MCCC1: variants seen among roughly 807,000 people sequenced by gnomAD.
The protein encoded by MCCC1 is methylcrotonyl-CoA carboxylase subunit 1, also known as methylcrotonoyl-CoA carboxylase subunit alpha, mitochondrial.
MCCC1 carries 64 observed loss-of-function variants against 83.8 expected under a neutral mutation model. The ratio of observed to expected loss-of-function variants is 0.76; its 90% confidence interval spans 0.62 to 0.94. The LOEUF is 0.94. Among genes scored for constraint, MCCC1 ranks in the 40% least tolerant of loss-of-function variants. The pLI is 0.00. For synonymous variants in MCCC1, 322 were observed against 315.4 expected (o/e 1.02, Z -0.22); for missense variants, 807 against 904.7 (o/e 0.89, Z 1.39).
chr3:183,097,246 C>CAA (rs578052100), intron 1 of MCCC1, among the ~76,000 whole-genome samples: 4 of 135,346 alleles, frequency 3.0e-5, no homozygotes, highest in Non-Finnish European at 4.8e-5. Flanking sequence ...GACTCCGTCT[C>CAA]AAAAAAAAAA....
intron 1 of MCCC1, among the ~76,000 whole-genome samples, chr3:183,114,519 G>T (rs75911124): frequency 2.0e-5 from 3 of 152,146 alleles, no homozygotes; most frequent in Non-Finnish European, 2.9e-5. Flanking sequence ...GTCCACTGCA[G>T]AACTGATGGC....
intron 14 of MCCC1, among the ~76,000 whole-genome samples, chr3:183,030,284 G>A (rs1712946752): frequency 6.6e-6 from 1 of 152,096 alleles, no homozygotes; most frequent in African/African-American, 2.4e-5. Flanking sequence ...CTCCTGCCTG[G>A]GCAACAGAAT....
chr3:183,103,116 G>GT (rs1053005609), upstream of MCCC1, among the ~76,000 whole-genome samples: 4 of 152,014 alleles, frequency 2.6e-5, no homozygotes, highest in African/African-American at 4.8e-5. Flanking sequence ...TGTGTTCGGA[G>GT]TTTTTTCCTT....
chr3:183,074,407 G>A (rs1995426), intron 4 of MCCC1, among the ~76,000 whole-genome samples: 136,383 of 152,204 alleles, frequency 0.9, 61,486 homozygotes, highest in East Asian at 1. Flanking sequence ...TTTAATGAGT[G>A]ATGAAGCCAC....
At chr3:183,057,111 T>C (rs1715478590) in intron 8 of MCCC1, among the ~76,000 whole-genome samples, 200 bp downstream of exon 8, 1 of 152,224 alleles carries the variant, frequency 6.6e-6, no homozygotes. Context: ...CATGACCCTG[T>C]TGTGTCTACC....
At position 183,043,826 on chromosome 3, in the gene MCCC1, T is replaced by C. The variant is rs149957300; in HGVS notation, c.1083+1587A>G. Among the ~76,000 whole-genome samples, 7 of 152,302 alleles carry C rather than the reference T, an allele frequency of 4.6e-5. No homozygotes were observed. In the East Asian group the frequency reaches 1.3e-3, roughly 29 times the overall value. ...CTTCCTTAATCCTTAGAAACCTTTT[T>C]TTCTCTTATGATTTCCAAGGTCGAA... On this transcript the variant is annotated intron_variant, in intron 10 of 18. Coordinates refer to ENST00000265594, the MANE Select transcript of MCCC1 (RefSeq NM_020166.5).
intron 3 of MCCC1, chr3:183,091,170 G>T: frequency 2.8e-6 from 1 of 359,194 alleles, no homozygotes; most frequent in Non-Finnish European, 5.6e-6. Context: ...GCCCAGGTGA[G>T]GCTGCTCATC....
At chr3:183,019,478 G>A (rs759852480) in intron 17 of MCCC1, among the ~76,000 whole-genome samples, 2 of 152,158 alleles carry the variant, frequency 1.3e-5, no homozygotes, top group South Asian at 2.1e-4. Context: ...CTTCCACCAC[G>A]TGAGGACACA....
intron 16 of MCCC1, among the ~76,000 whole-genome samples, chr3:183,021,826 C>A (rs768935330): frequency 3.3e-5 from 5 of 152,186 alleles, no homozygotes; most frequent in African/African-American, 4.8e-5. Flanking sequence ...GAGGCCACAG[C>A]ATATATGATA....
intron 8 of MCCC1, among the ~76,000 whole-genome samples, chr3:183,052,690 G>C (rs940686468): frequency 6.6e-6 from 1 of 151,498 alleles, no homozygotes; most frequent in African/African-American, 2.4e-5. Context: ...GGCGCCTGTA[G>C]TCCCAGCTAC....
intron 8 of MCCC1, among the ~76,000 whole-genome samples, chr3:183,054,681 T>C (rs1466630437): frequency 6.6e-6 from 1 of 152,238 alleles, no homozygotes; most frequent in Non-Finnish European, 1.5e-5. Flanking sequence ...TTACCAAGTG[T>C]ACAGTGATGT....
chr3:183,097,502 C>T (rs564649654), intron 1 of MCCC1, among the ~76,000 whole-genome samples: 4 of 152,300 alleles, frequency 2.6e-5, no homozygotes, highest in South Asian at 2.1e-4. Context: ...AGGCCGTCCT[C>T]GCCCTCCTCA....
rs761043405 is a variant in MCCC1, at chr3:183,020,245, C to T, written c.1870-8G>A. 1 of 1,602,670 alleles carries T rather than the reference C, an allele frequency of 6.2e-7. No individual in the cohort carries two copies. The highest frequency in any genetic ancestry group is 8.5e-7 in the Non-Finnish European group (1 of 1,169,838). ...AATCTCAATACTTCCTTCCTAGAAA[C>T]AGAAAACAAACTGAAAACCGAATCA... On this transcript the variant is annotated splice_region_variant and splice_polypyrimidine_tract_variant and intron_variant, in intron 16 of 18. Transcript: ENST00000265594.
chr3:183,091,084 GT>G, intron 3 of MCCC1: 1 of 456,126 alleles, frequency 2.2e-6, no homozygotes, highest in Non-Finnish European at 4.4e-6. Context: ...AGCGAAACAA[GT>G]TTGAAATACT....
intron 9 of MCCC1, among the ~76,000 whole-genome samples, chr3:183,049,893 A>T (rs1480679907): frequency 6.6e-6 from 1 of 152,162 alleles, no homozygotes; most frequent in East Asian, 1.9e-4. Flanking sequence ...CCAAGGTGGG[A>T]AGACTGCTTG....
At chr3:183,113,113 A>G (rs962779684) in intron 1 of MCCC1, among the ~76,000 whole-genome samples, 1 of 150,710 alleles carries the variant, frequency 6.6e-6, no homozygotes, top group Non-Finnish European at 1.5e-5. Flanking sequence ...AACCTCAGCT[A>G]CTCGGGAGGC....
At chr3:183,091,588 C>T (rs139725641) in intron 3 of MCCC1, among the ~76,000 whole-genome samples, 140 of 151,644 alleles carry the variant, frequency 9.2e-4, no homozygotes, top group African/African-American at 3.2e-3. Context: ...CAAAACAAAA[C>T]AAAACAAAAC....
intron 8 of MCCC1, among the ~76,000 whole-genome samples, chr3:183,053,924 C>T (rs1388846864): frequency 7.1e-6 from 1 of 140,846 alleles, no homozygotes; most frequent in Non-Finnish European, 1.5e-5. Flanking sequence ...GTTGCCCAGG[C>T]TGGAGTGCAG....
chr3:183,050,791 T>C (rs755627971), intron 9 of MCCC1, among the ~76,000 whole-genome samples: 5 of 150,204 alleles, frequency 3.3e-5, no homozygotes, highest in Non-Finnish European at 7.4e-5. Context: ...GCACATCTGA[T>C]AAAGAACTGT....
Sources: allele counts gnomAD v4.1 joint callset (sites outside exome capture counted in the v4.1 genomes callset), GRCh38; gene constraint gnomAD v4.1.1; transcripts MANE v1.5; gene names NCBI Gene and HGNC (gene_info 2026-07-23, HGNC 2026-07-21).